RBFOX1: variants seen among roughly 807,000 people sequenced by gnomAD.
RBFOX1 encodes the protein RNA binding protein fox-1 homolog 1.
RBFOX1 carries 8 observed loss-of-function variants against 57.7 expected under a neutral mutation model. That is an observed-to-expected ratio of 0.14 (90% CI 0.08 to 0.25). The LOEUF is 0.25. Ranked by LOEUF, RBFOX1 falls within the 10% of genes least tolerant of loss-of-function variation. The pLI is 1.00. For missense variants in RBFOX1, 611 were observed against 548.5 expected (o/e 1.11, Z -1.14); for synonymous variants, 326 against 222.4 (o/e 1.47, Z -4.15).
chr16:7,490,155 A>G (rs932712314), intron 4 of RBFOX1, among the ~76,000 whole-genome samples: 1 of 152,180 alleles, frequency 6.6e-6, no homozygotes, highest in East Asian at 1.9e-4. Flanking sequence ...CTTCTGAGCC[A>G]TAATAAATTG....
chr16:5,739,314 C>A (rs2052692898), intron 3 of RBFOX1, among the ~76,000 whole-genome samples: 1 of 152,222 alleles, frequency 6.6e-6, no homozygotes, highest in African/African-American at 2.4e-5. Flanking sequence ...CTGTTGTGCA[C>A]CTATGGGTAA....
intron 5 of RBFOX1, among the ~76,000 whole-genome samples, chr16:7,572,915 T>C (rs1190172107): frequency 1.3e-5 from 2 of 151,866 alleles, no homozygotes; most frequent in East Asian, 3.9e-4. Flanking sequence ...AACCGTACTA[T>C]AGTGGTAGAG....
intron 1 of RBFOX1, among the ~76,000 whole-genome samples, chr16:5,438,360 G>A (rs1039844104): frequency 2.0e-5 from 3 of 152,158 alleles, no homozygotes; most frequent in African/African-American, 7.2e-5. Flanking sequence ...ATTTATTCAG[G>A]TATTTGTTGA....
chr16:7,222,821 A>G (rs1397289862), intron 4 of RBFOX1, among the ~76,000 whole-genome samples: 2 of 152,214 alleles, frequency 1.3e-5, no homozygotes, highest in African/African-American at 2.4e-5. Flanking sequence ...GGTACTCATC[A>G]TGAAAGACTG....
intron 3 of RBFOX1, among the ~76,000 whole-genome samples, chr16:5,844,069 G>C (rs1013959955): frequency 6.6e-6 from 1 of 152,208 alleles, no homozygotes; most frequent in African/African-American, 2.4e-5. Context: ...GGGCTGCCTG[G>C]ATGGTCTAGT....
intron 3 of RBFOX1, among the ~76,000 whole-genome samples, chr16:6,961,708 C>T (rs914733936): frequency 6.6e-6 from 1 of 152,150 alleles, no homozygotes; most frequent in Non-Finnish European, 1.5e-5. Context: ...AGGTTCCTTC[C>T]TCACCTTTAG....
At chr16:5,965,664 TACTC>T (rs2059828920) in intron 4 of RBFOX1, among the ~76,000 whole-genome samples, 1 of 152,234 alleles carries the variant, frequency 6.6e-6, no homozygotes, top group Admixed American at 6.5e-5. Context: ...TCGTGGTTGA[TACTC>T]AGATCACTGC....
intron 3 of RBFOX1, among the ~76,000 whole-genome samples, chr16:6,885,461 G>A (rs773184225): frequency 6.6e-6 from 1 of 152,214 alleles, no homozygotes; most frequent in South Asian, 2.1e-4. Context: ...ATTCGTAACA[G>A]TGATTCCTGG....
chr16:7,530,498 C>G (rs2079776961), intron 5 of RBFOX1, among the ~76,000 whole-genome samples: 1 of 148,838 alleles, frequency 6.7e-6, no homozygotes, highest in Non-Finnish European at 1.5e-5. Context: ...GACTTCCAGA[C>G]TTCTTAAAAA....
At chr16:6,531,951 C>G (rs576608621) in intron 2 of RBFOX1, among the ~76,000 whole-genome samples, 5 of 152,252 alleles carry the variant, frequency 3.3e-5, no homozygotes, top group African/African-American at 1.2e-4. Context: ...AGTGAGCTTA[C>G]AAAATTTAGA....
intron 5 of RBFOX1, among the ~76,000 whole-genome samples, chr16:7,547,771 T>G (rs945389740): frequency 2.0e-4 from 31 of 152,386 alleles, no homozygotes; most frequent in African/African-American, 7.5e-4. Context: ...TATAGTTCTT[T>G]GCTATTGTTC....
chr16:7,424,034 A>C (rs1050349420), intron 4 of RBFOX1, among the ~76,000 whole-genome samples: 1 of 152,322 alleles, frequency 6.6e-6, no homozygotes, highest in Admixed American at 6.5e-5. Context: ...TATATAACTT[A>C]AGCACAAGGC....
intron 4 of RBFOX1, among the ~76,000 whole-genome samples, chr16:7,171,549 C>T (rs1034030883): frequency 1.3e-5 from 2 of 152,162 alleles, no homozygotes; most frequent in Non-Finnish European, 2.9e-5. Flanking sequence ...AAAACTGTGG[C>T]CAAGAGGCCG....
intron 3 of RBFOX1, among the ~76,000 whole-genome samples, chr16:6,780,806 A>G (rs946462954): frequency 6.6e-6 from 1 of 151,710 alleles, no homozygotes. Flanking sequence ...AGAATTGTCT[A>G]TTCAGATGTT....
chr16:5,534,368 A>T (rs1383620326), intron 2 of RBFOX1, among the ~76,000 whole-genome samples: 2 of 152,230 alleles, frequency 1.3e-5, no homozygotes, highest in African/African-American at 2.4e-5. Flanking sequence ...GCTGTCTTCA[A>T]GCTGTGGAAG....
intron 2 of RBFOX1, among the ~76,000 whole-genome samples, chr16:6,632,096 T>C (rs1392039028): frequency 6.6e-6 from 1 of 152,094 alleles, no homozygotes; most frequent in African/African-American, 2.4e-5. Context: ...CTGGGTTTGG[T>C]TTCTGAGTCT....
At chr16:7,014,719 A>G (rs1207870377) in intron 3 of RBFOX1, among the ~76,000 whole-genome samples, 2 of 152,026 alleles carry the variant, frequency 1.3e-5, no homozygotes, top group Admixed American at 6.6e-5. Flanking sequence ...CTAGAAGCCA[A>G]GTTCTTTACC....
intron 3 of RBFOX1, among the ~76,000 whole-genome samples, chr16:5,695,079 T>C (rs2151468778): frequency 6.6e-6 from 1 of 152,178 alleles, no homozygotes; most frequent in South Asian, 2.1e-4. Flanking sequence ...ATTGATAAAT[T>C]GGCAAATACA....
intron 4 of RBFOX1, among the ~76,000 whole-genome samples, chr16:5,907,645 C>A (rs184918245): frequency 6.6e-6 from 1 of 152,048 alleles, no homozygotes; most frequent in Non-Finnish European, 1.5e-5. Context: ...GTTTTCCTGA[C>A]GATGCATGTG....
Sources: allele counts gnomAD v4.1 joint callset (sites outside exome capture counted in the v4.1 genomes callset), GRCh38; gene constraint gnomAD v4.1.1; transcripts MANE v1.5; gene names NCBI Gene and HGNC (gene_info 2026-07-23, HGNC 2026-07-21).